CTXND1: variants seen among roughly 807,000 people sequenced by gnomAD.
CTXND1 encodes the protein cortexin domain containing 1, also known as cortexin domain-containing 1 protein.
At chr15:80,204,211 T>TGTATATACAC (rs1893122737) in intron 1 of CTXND1, among the ~76,000 whole-genome samples, 1 of 89,228 alleles carries the variant, frequency 1.1e-5, no homozygotes, top group Non-Finnish European at 2.1e-5. Flanking sequence ...CACAAACACA[T>TGTATATACAC]ACACACATGC....
At chr15:80,241,703 C>T (rs1272698196) in intron 1 of CTXND1, among the ~76,000 whole-genome samples, 1 of 152,204 alleles carries the variant, frequency 6.6e-6, no homozygotes, top group Admixed American at 6.5e-5. Context: ...GGCCTCATGA[C>T]TGTAGAGACC....
chr15:80,214,792 T>G (rs1197500635), intron 1 of CTXND1, among the ~76,000 whole-genome samples: 2 of 152,078 alleles, frequency 1.3e-5, no homozygotes, highest in East Asian at 3.8e-4. Context: ...AATTAATAAT[T>G]CACAAAACAC....
intron 1 of CTXND1, among the ~76,000 whole-genome samples, chr15:80,229,267 T>C (rs1358425424): frequency 6.6e-6 from 1 of 152,186 alleles, no homozygotes; most frequent in Non-Finnish European, 1.5e-5. Flanking sequence ...TTCTGGGTCT[T>C]TTACATCAGT....
At position 80,198,975 on chromosome 15, in the gene CTXND1, T is replaced by C. The variant is rs745691247; in HGVS notation, c.*2795A>G. 3.9e-5 allele frequency: 6 copies of C among 152,198 alleles called. No homozygotes were observed. Among genetic ancestry groups the C allele is most frequent in the Non-Finnish European group, 8.8e-5 (6 of 68,032 alleles). The allele number at this position is 152,198 out of a possible 1,614,324, so 9.4% of individuals were successfully genotyped here. A position where few individuals can be genotyped will look rare whatever the true frequency, so the allele number is the denominator to read the frequency against. On this transcript the variant is annotated 3_prime_UTR_variant, in exon 3 of 3. Coordinates refer to ENST00000560778, the MANE Select transcript of CTXND1 (RefSeq NM_001352888.2). Reference sequence around the variant, plus strand: ...ATAAAATTATGTAGCAGATCATCTTTATGAAAAAAAATCTTGCATGAGGAC... The same window carrying C: ...ATAAAATTATGTAGCAGATCATCTTCATGAAAAAAAATCTTGCATGAGGAC...
At chr15:80,241,136 GC>G (rs763931563) in intron 1 of CTXND1, among the ~76,000 whole-genome samples, 3 of 152,146 alleles carry the variant, frequency 2.0e-5, no homozygotes, top group African/African-American at 4.8e-5. Flanking sequence ...GCAACTACCG[GC>G]CAACAAGAGC....
chr15:80,213,411 C>A (rs1289442068), intron 1 of CTXND1, among the ~76,000 whole-genome samples: 1 of 151,892 alleles, frequency 6.6e-6, no homozygotes, highest in Non-Finnish European at 1.5e-5. Context: ...AAGGACCGTG[C>A]AGATGTGATT....
intron 1 of CTXND1, among the ~76,000 whole-genome samples, chr15:80,236,511 G>T (rs557517858): frequency 6.6e-6 from 1 of 152,272 alleles, no homozygotes; most frequent in South Asian, 2.1e-4. Flanking sequence ...AGCCAGGTGC[G>T]GTGGCTCACG....
chr15:80,242,188 C>A (rs185901020), intron 1 of CTXND1, among the ~76,000 whole-genome samples: 166 of 152,246 alleles, frequency 1.1e-3, no homozygotes, highest in African/African-American at 3.9e-3. Context: ...TCTGAGTGAC[C>A]GTCCCCTATG....
At chr15:80,204,348 A>T (rs1302198566) in intron 1 of CTXND1, among the ~76,000 whole-genome samples, 2 of 151,026 alleles carry the variant, frequency 1.3e-5, no homozygotes, top group African/African-American at 2.4e-5. Context: ...CATTAAGTAC[A>T]TCCACACTGT....
chr15:80,243,810 G>A (rs1040947250), intron 1 of CTXND1, among the ~76,000 whole-genome samples: 1 of 152,194 alleles, frequency 6.6e-6, no homozygotes, highest in African/African-American at 2.4e-5. Flanking sequence ...CCCTTCTCAT[G>A]ATAATGGAGC....
At chr15:80,227,354 A>G (rs1251056038) in intron 1 of CTXND1, among the ~76,000 whole-genome samples, 1 of 152,184 alleles carries the variant, frequency 6.6e-6, no homozygotes, top group Non-Finnish European at 1.5e-5. Flanking sequence ...TTCAGTTTAA[A>G]TAGTCATCCA....
At chr15:80,226,069 G>A (rs1393994500) in intron 1 of CTXND1, among the ~76,000 whole-genome samples, 1 of 152,160 alleles carries the variant, frequency 6.6e-6, no homozygotes, top group African/African-American at 2.4e-5. Context: ...TTGGGCTTGG[G>A]CCAGAAACAA....
rs2041447059 is a variant in CTXND1 at position 80,201,183 on chromosome 15, C to G, written c.*587G>C. On this transcript the variant is annotated 3_prime_UTR_variant, in exon 3 of 3. Coordinates refer to ENST00000560778, the MANE Select transcript of CTXND1 (RefSeq NM_001352888.2). Reference sequence around the variant, plus strand: ...TATTTATAACAGGAAAAATATATCCCTCTATATTTTAGTTTAAAAAAATAC... The same window carrying G: ...TATTTATAACAGGAAAAATATATCCGTCTATATTTTAGTTTAAAAAAATAC... 1.3e-5 allele frequency: 2 copies of G among 152,098 alleles called. No homozygotes were observed. The highest frequency in any genetic ancestry group is 6.5e-5 in the Admixed American group (1 of 15,276). The allele number at this position is 152,098 out of a possible 1,614,324, so 9.4% of individuals were successfully genotyped here.
intron 1 of CTXND1, among the ~76,000 whole-genome samples, chr15:80,207,504 A>C (rs1893159737): frequency 6.6e-6 from 1 of 152,092 alleles, no homozygotes; most frequent in Non-Finnish European, 1.5e-5. Flanking sequence ...TGATATCATA[A>C]TTTTTTTGAA....
intron 1 of CTXND1, among the ~76,000 whole-genome samples, chr15:80,224,591 A>G (rs1893353333): frequency 1.3e-5 from 2 of 152,196 alleles, no homozygotes; most frequent in African/African-American, 4.8e-5. Flanking sequence ...CACAAAACAT[A>G]AGCATGCTGG....
In CTXND1 at chr15:80,243,914, C is replaced by A. The variant is rs73489266; in HGVS notation, c.-218+8093G>T. 4.0e-3 allele frequency among the ~76,000 whole-genome samples: 607 copies of A among 152,282 alleles called. 5 individuals are homozygous for A. Among genetic ancestry groups the A allele is most frequent in the African/African-American group, 0.013 (557 of 41,550 alleles). ...AGTGGAAAGAGCTGTGTTAACAGCT[C>A]CTGGGAGGAGACCAGGGGATGTTGG... On this transcript the variant is annotated intron_variant, in intron 1 of 2. Coordinates refer to ENST00000560778, the MANE Select transcript of CTXND1 (RefSeq NM_001352888.2).
Position 80,199,536 on chromosome 15 carries a change from T to A in CTXND1, c.*2234A>T, listed in dbSNP as rs1281836386. On this transcript the variant is annotated 3_prime_UTR_variant, in exon 3 of 3. Transcript: ENST00000560778. ...CACAGAAATGCCTGGCTTCTCAAGG[T>A]AGGCTTCAGAGTGAGGGCTGCTGCT... 6.6e-6 allele frequency: 1 copy of A among 152,362 alleles called. No homozygotes were observed. The highest frequency in any genetic ancestry group is 1.5e-5 in the Non-Finnish European group (1 of 68,142). 9.4% of individuals were successfully genotyped at this position (152,362 alleles called of 1,614,324 possible). A position where few individuals can be genotyped will look rare whatever the true frequency, so the allele number is the denominator to read the frequency against.
Position 80,243,986 on chromosome 15 carries a change from C to T in CTXND1, c.-218+8021G>A, listed in dbSNP as rs73489267. Among the ~76,000 whole-genome samples the T allele has an allele frequency of 6.1e-3, 935 of 152,328 alleles. 10 individuals carry two copies. Among genetic ancestry groups the T allele is most frequent in the African/African-American group, 0.021 (872 of 41,560 alleles). On this transcript the variant is annotated intron_variant, in intron 1 of 2. Coordinates refer to ENST00000560778, the MANE Select transcript of CTXND1 (RefSeq NM_001352888.2). The stretch of plus-strand genomic sequence containing the variant: ...ATCTGGAAGGCAACAAGCAGTCAGG[C>T]TCTGCTGAAGTCCACTGTGGAGCCC...
chr15:80,235,381 G>A (rs1301959529), intron 1 of CTXND1, among the ~76,000 whole-genome samples: 1 of 152,196 alleles, frequency 6.6e-6, no homozygotes, highest in Non-Finnish European at 1.5e-5. Context: ...CAAGGGCCGA[G>A]GTGCACACGT....
Sources: allele counts gnomAD v4.1 joint callset (sites outside exome capture counted in the v4.1 genomes callset), GRCh38; gene constraint gnomAD v4.1.1; transcripts MANE v1.5; gene names NCBI Gene and HGNC (gene_info 2026-07-23, HGNC 2026-07-21).